ATP2B2: variants seen among roughly 807,000 people sequenced by gnomAD.
ATP2B2 encodes plasma membrane calcium-transporting ATPase 2.
In ATP2B2, 15 loss-of-function variants were observed where a neutral mutation model predicts 120.0. The observed-to-expected ratio is 0.12, with a 90% confidence interval of 0.08 to 0.19. The LOEUF (loss-of-function observed/expected upper bound fraction) is 0.19. Among genes scored for constraint, ATP2B2 ranks in the 10% least tolerant of loss-of-function variants. The pLI is 1.00. For missense variants in ATP2B2, 1,045 were observed against 1,719.8 expected (o/e 0.61, Z 6.94); for synonymous variants, 694 against 700.3 (o/e 0.99, Z 0.14).
In ATP2B2 at chr3:10,620,524, G is replaced by T. The variant is rs537120849; in HGVS notation, c.-459-563C>A. 7.2e-5 allele frequency among the ~76,000 whole-genome samples: 11 copies of T among 152,236 alleles called. No homozygotes were observed. In the South Asian group the frequency reaches 2.3e-3, roughly 32 times the overall value. ...GTGGCAGGAGTAGGGAAACCTGGAA[G>T]GACGGTGCAGCTCCCGGGAGAAGTG... On this transcript the variant is annotated intron_variant, in intron 1 of 21. Coordinates refer to the ATP2B2 transcript ENST00000646379.
At chr3:10,504,909 C>T (rs570823719) in intron 1 of ATP2B2, among the ~76,000 whole-genome samples, 19 of 152,248 alleles carry the variant, frequency 1.2e-4, no homozygotes, top group African/African-American at 3.4e-4. Flanking sequence ...CCACATGACC[C>T]GGCTGGCCTG....
intron 1 of ATP2B2, among the ~76,000 whole-genome samples, chr3:10,663,465 T>A (rs1034287301): frequency 6.6e-5 from 10 of 152,112 alleles, no homozygotes; most frequent in African/African-American, 2.2e-4. Flanking sequence ...GCTGCAAGCC[T>A]GATGCTGAGG....
At chr3:10,647,183 G>T (rs1396275594) in intron 1 of ATP2B2, among the ~76,000 whole-genome samples, 1 of 152,140 alleles carries the variant, frequency 6.6e-6, no homozygotes, top group Middle Eastern at 3.2e-3. Flanking sequence ...CCATGGGGAG[G>T]GTTTCCATAG....
chr3:10,389,924 T>C (rs2061795489), intron 5 of ATP2B2, among the ~76,000 whole-genome samples: 1 of 152,214 alleles, frequency 6.6e-6, no homozygotes, highest in Non-Finnish European at 1.5e-5. Flanking sequence ...AGCGAGGGAA[T>C]GCGGCACTGC....
At chr3:10,597,758 T>C (rs1188332744) in intron 2 of ATP2B2, among the ~76,000 whole-genome samples, 1 of 152,182 alleles carries the variant, frequency 6.6e-6, no homozygotes, top group East Asian at 1.9e-4. Context: ...ACAACAATAA[T>C]AGTATCTATT....
chr3:10,409,574 A>G (rs1157578678), intron 3 of ATP2B2, among the ~76,000 whole-genome samples: 2 of 152,112 alleles, frequency 1.3e-5, no homozygotes. Context: ...TGTGAGATGT[A>G]TCTCTTGTGT....
intron 1 of ATP2B2, among the ~76,000 whole-genome samples, chr3:10,475,258 G>T (rs2065160454): frequency 3.9e-5 from 6 of 152,352 alleles, no homozygotes; most frequent in Middle Eastern, 3.4e-3. Context: ...CATGACAAGA[G>T]ACTTTATTGT....
chr3:10,679,876 G>A (rs962247945), intron 1 of ATP2B2, among the ~76,000 whole-genome samples: 1 of 152,018 alleles, frequency 6.6e-6, no homozygotes, highest in East Asian at 1.9e-4. Context: ...GAGAGAAGAG[G>A]GGAAGAAATA....
At chr3:10,397,285 T>C (rs55780687) in intron 5 of ATP2B2, among the ~76,000 whole-genome samples, 7 of 152,296 alleles carry the variant, frequency 4.6e-5, no homozygotes, top group Non-Finnish European at 1.0e-4. Context: ...GTTGCAGAAA[T>C]GACACTACAT....
chr3:10,468,642 AG>A (rs1267991032), intron 1 of ATP2B2, among the ~76,000 whole-genome samples: 2 of 152,212 alleles, frequency 1.3e-5, no homozygotes, highest in African/African-American at 2.4e-5. Context: ...TTTACAGATG[AG>A]GGGTCTGTGG....
intron 2 of ATP2B2, among the ~76,000 whole-genome samples, chr3:10,534,495 C>A (rs548121512): frequency 2.0e-5 from 3 of 152,248 alleles, no homozygotes; most frequent in African/African-American, 4.8e-5. Context: ...TGAGCACCTA[C>A]TACATTCCAG....
chr3:10,417,696 T>A (rs764906881), intron 2 of ATP2B2, among the ~76,000 whole-genome samples: 1 of 152,188 alleles, frequency 6.6e-6, no homozygotes, highest in Non-Finnish European at 1.5e-5. Context: ...GTTCTATATG[T>A]TGGGGACACT....
intron 2 of ATP2B2, among the ~76,000 whole-genome samples, chr3:10,594,045 T>G (rs368184272): frequency 6.6e-6 from 1 of 152,046 alleles, no homozygotes; most frequent in African/African-American, 2.4e-5. Flanking sequence ...TAGAATGGCG[T>G]TCATTAAAAA....
At chr3:10,350,054 G>A (rs2060533517) in intron 16 of ATP2B2, 58 bp downstream of exon 16, 2 of 1,551,418 alleles carry the variant, frequency 1.3e-6, no homozygotes, top group Admixed American at 1.7e-5. Flanking sequence ...GGAGAGGAGG[G>A]CCCAGCTTCT....
At chr3:10,414,565 GCA>G (rs1399417596) in intron 2 of ATP2B2, among the ~76,000 whole-genome samples, 3 of 152,212 alleles carry the variant, frequency 2.0e-5, no homozygotes, top group African/African-American at 7.2e-5. Context: ...GCCCAGTGTG[GCA>G]GATCTTCCAA....
At chr3:10,336,074 G>A (rs1399388278) in intron 22 of ATP2B2, 2 of 1,531,022 alleles carry the variant, frequency 1.3e-6, no homozygotes, top group Non-Finnish European at 1.8e-6. Flanking sequence ...GCCCCTGCCC[G>A]CCTGGGAGCT....
chr3:10,573,003 G>T (rs1204509087), intron 2 of ATP2B2, among the ~76,000 whole-genome samples: 1 of 152,158 alleles, frequency 6.6e-6, no homozygotes, highest in Non-Finnish European at 1.5e-5. Flanking sequence ...CAGACGGGAC[G>T]TGCAGATTCC....
At chr3:10,457,928 C>T (rs611288) in intron 1 of ATP2B2, among the ~76,000 whole-genome samples, 126,749 of 152,062 alleles carry the variant, frequency 0.83, 53,633 homozygotes, top group Middle Eastern at 0.91. Flanking sequence ...CTCACCCTCA[C>T]GCCTGGCCTG....
chr3:10,684,145 C>T (rs2071459830), intron 1 of ATP2B2, among the ~76,000 whole-genome samples: 2 of 152,130 alleles, frequency 1.3e-5, no homozygotes, highest in South Asian at 4.1e-4. Context: ...GGTAGCTCAT[C>T]CTGTGGTACT....
Sources: allele counts gnomAD v4.1 joint callset (sites outside exome capture counted in the v4.1 genomes callset), GRCh38; gene constraint gnomAD v4.1.1; transcripts MANE v1.5; gene names NCBI Gene and HGNC (gene_info 2026-07-23, HGNC 2026-07-21).